The following DCAKD variants were observed in gnomAD, a reference collection of about 807,000 sequenced individuals.
DCAKD encodes the protein dephospho-CoA kinase domain-containing protein.
Under a neutral mutation model 18.7 loss-of-function variants are expected in DCAKD, and 15 were observed. That is an observed-to-expected ratio of 0.80 (90% CI 0.54 to 1.24). The LOEUF is 1.24. Among genes scored for constraint, DCAKD ranks in the 50% most tolerant of loss-of-function variants. DCAKD has a pLI of 0.00. For synonymous variants in DCAKD, 130 were observed against 133.0 expected (o/e 0.98, Z 0.16); for missense variants, 301 against 322.0 (o/e 0.93, Z 0.50).
intron 1 of DCAKD, among the ~76,000 whole-genome samples, chr17:45,058,487 T>C (rs2053811614): frequency 6.6e-6 from 1 of 151,908 alleles, no homozygotes. Context: ...TGGCAGAATC[T>C]TGGCTTACTG....
rs112543784 is a variant in DCAKD at position 45,050,532 on chromosome 17, C to A, written c.-115+829G>T. On this transcript the variant is annotated intron_variant, in intron 1 of 4. Coordinates refer to ENST00000651974, the MANE Select transcript of DCAKD (RefSeq NM_001288655.2). ...GGAGGATTTGGTGGGAATTTAGGGC[C>A]CTGCTGAGACAAAAACCACCCGAAC... Among the ~76,000 whole-genome samples, 255 of 152,122 alleles carry A rather than the reference C, an allele frequency of 1.7e-3. 2 individuals are homozygous for A. The highest frequency in any genetic ancestry group is 5.8e-3 in the African/African-American group (241 of 41,456).
intron 1 of DCAKD, among the ~76,000 whole-genome samples, chr17:45,049,021 G>T (rs1175561980): frequency 6.6e-6 from 1 of 151,898 alleles, no homozygotes; most frequent in Non-Finnish European, 1.5e-5. Context: ...GGTCAAGGCT[G>T]CAGTGAGCTG....
intron 1 of DCAKD, among the ~76,000 whole-genome samples, chr17:45,047,558 T>C (rs1165992736): frequency 1.4e-5 from 2 of 146,468 alleles, no homozygotes; most frequent in East Asian, 4.0e-4. Context: ...CAGGCTGGAA[T>C]GCAGTGGCGC....
intron 4 of DCAKD, among the ~76,000 whole-genome samples, chr17:45,027,841 C>A (rs992296912): frequency 2.0e-5 from 3 of 151,902 alleles, no homozygotes; most frequent in Admixed American, 2.0e-4. Flanking sequence ...CAAAACTTAG[C>A]CGGGCATGGT....
intron 4 of DCAKD, 69 bp from the exon 5 acceptor site, chr17:45,024,793 C>T (rs906286585): frequency 6.7e-7 from 1 of 1,489,596 alleles, no homozygotes; most frequent in East Asian, 2.3e-5. Context: ...GGATAGGCAG[C>T]CCTGCCAGGC....
upstream of DCAKD, among the ~76,000 whole-genome samples, chr17:45,053,181 A>AC (rs2053741917): frequency 7.4e-6 from 1 of 135,112 alleles, no homozygotes; most frequent in Non-Finnish European, 1.7e-5. Context: ...AAAAAAAAAA[A>AC]AAAAAAAAAA....
At chr17:45,029,501 T>C (rs992827666) in intron 4 of DCAKD, among the ~76,000 whole-genome samples, 2 of 152,172 alleles carry the variant, frequency 1.3e-5, no homozygotes, top group Non-Finnish European at 2.9e-5. Flanking sequence ...CAGGGACTCA[T>C]TTTCCCCCCA....
intron 1 of DCAKD, among the ~76,000 whole-genome samples, chr17:45,057,078 T>G (rs2053789020): frequency 2.0e-5 from 3 of 152,036 alleles, no homozygotes; most frequent in Admixed American, 6.6e-5. Context: ...TTTTTTCCTA[T>G]TTATATAGAG....
At chr17:45,058,349 CTTT>C (rs1323852257) in intron 1 of DCAKD, among the ~76,000 whole-genome samples, 1 of 151,942 alleles carries the variant, frequency 6.6e-6, no homozygotes, top group Non-Finnish European at 1.5e-5. Context: ...CACAAAATAT[CTTT>C]TTATCTTTTA....
chr17:45,053,311 G>A (rs2053746346), upstream of DCAKD, among the ~76,000 whole-genome samples: 1 of 151,244 alleles, frequency 6.6e-6, no homozygotes. Context: ...AGGCTGGGGT[G>A]CAGTGGCAGG....
At chr17:45,035,380 C>T (rs1299944222) in intron 1 of DCAKD, among the ~76,000 whole-genome samples, 1 of 148,910 alleles carries the variant, frequency 6.7e-6, no homozygotes, top group East Asian at 2.0e-4. Flanking sequence ...ACTCAGAAGG[C>T]TGTGGCAGGA....
intron 1 of DCAKD, among the ~76,000 whole-genome samples, chr17:45,058,601 C>T (rs2053812802): frequency 6.6e-6 from 1 of 151,640 alleles, no homozygotes; most frequent in East Asian, 2.0e-4. Flanking sequence ...TTTGTATTTT[C>T]AGTAGAGACG....
intron 4 of DCAKD, among the ~76,000 whole-genome samples, chr17:45,027,725 T>G (rs1378660525): frequency 6.6e-6 from 1 of 152,152 alleles, no homozygotes; most frequent in Non-Finnish European, 1.5e-5. Flanking sequence ...CAGTGGCTCA[T>G]GCCTGTAATC....
chr17:45,060,010 A>C (rs935364454), intron 1 of DCAKD, among the ~76,000 whole-genome samples: 1 of 152,160 alleles, frequency 6.6e-6, no homozygotes, highest in Admixed American at 6.5e-5. Flanking sequence ...AGGCCGAGGC[A>C]AGAGAATCGC....
intron 1 of DCAKD, among the ~76,000 whole-genome samples, chr17:45,059,632 C>T (rs188632384): frequency 6.6e-6 from 1 of 152,264 alleles, no homozygotes; most frequent in African/African-American, 2.4e-5. Context: ...TCACAGTTAC[C>T]TTTTAGTAAC....
intron 3 of DCAKD, chr17:45,031,507 T>G (rs572106283): frequency 1.0e-6 from 1 of 976,830 alleles, no homozygotes. Flanking sequence ...CATGCAGTAC[T>G]ACTCCTTCAC....
intron 2 of DCAKD, among the ~76,000 whole-genome samples, 190 bp from the exon 3 acceptor site, chr17:45,034,580 G>A (rs2053247131): frequency 6.6e-6 from 1 of 152,182 alleles, no homozygotes; most frequent in African/African-American, 2.4e-5. Context: ...TGGTAATGGG[G>A]TACAGCTGGG....
intron 4 of DCAKD, among the ~76,000 whole-genome samples, chr17:45,028,922 C>A (rs2053115597): frequency 6.6e-6 from 1 of 151,596 alleles, no homozygotes. Flanking sequence ...CCAGGCTGGT[C>A]TCGAACTCCT....
chr17:45,027,538 G>A (rs918006556), intron 4 of DCAKD, among the ~76,000 whole-genome samples: 6 of 152,198 alleles, frequency 3.9e-5, no homozygotes, highest in Non-Finnish European at 5.9e-5. Context: ...ACTGAAAGCA[G>A]GGCATGAGTG....
Sources: gnomAD v4.1 joint callset for allele counts (sites outside exome capture counted in the v4.1 genomes callset) on GRCh38, gnomAD v4.1.1 for gene constraint, MANE v1.5 for transcripts, NCBI Gene and HGNC (gene_info 2026-07-23, HGNC 2026-07-21) for gene names.